DTNA: variants seen among roughly 807,000 people sequenced by gnomAD.
The protein encoded by DTNA is dystrobrevin alpha.
DTNA carries 43 observed loss-of-function variants against 100.7 expected under a neutral mutation model. That is an observed-to-expected ratio of 0.43 (90% confidence interval 0.33 to 0.55). The LOEUF is 0.55. Among genes scored for constraint, DTNA ranks in the 20% least tolerant of loss-of-function variants. The probability of loss-of-function intolerance (pLI) is 0.04; values close to 1 mark genes in which losing one functional copy is unlikely to be tolerated. For synonymous variants in DTNA, 349 were observed against 347.9 expected (o/e 1.00, Z -0.04); for missense variants, 798 against 953.9 (o/e 0.84, Z 2.15).
intron 20 of DTNA, among the ~76,000 whole-genome samples, chr18:34,880,900 G>T (rs377351162): frequency 1.3e-5 from 2 of 152,294 alleles, no homozygotes; most frequent in Admixed American, 6.5e-5. Flanking sequence ...CATCTGTTTT[G>T]TCTGGTAAAT....
At chr18:34,824,844 C>T (rs2095818162) in intron 9 of DTNA, among the ~76,000 whole-genome samples, 1 of 150,006 alleles carries the variant, frequency 6.7e-6, no homozygotes, top group Non-Finnish European at 1.5e-5. Context: ...CCATACCTGG[C>T]CACAACTTAA....
At chr18:34,730,837 G>A (rs1363400885) in intron 1 of DTNA, among the ~76,000 whole-genome samples, 3 of 152,156 alleles carry the variant, frequency 2.0e-5, no homozygotes, top group Non-Finnish European at 4.4e-5. Context: ...CCACCAAAGA[G>A]CTCACTCATG....
At chr18:34,575,795 C>T (rs534890469) in intron 1 of DTNA, among the ~76,000 whole-genome samples, 2 of 152,298 alleles carry the variant, frequency 1.3e-5, no homozygotes, top group Non-Finnish European at 2.9e-5. Context: ...ATGCCATCTT[C>T]TTCTGGATAG....
chr18:34,686,022 C>T (rs1282761755), intron 1 of DTNA, among the ~76,000 whole-genome samples: 2 of 152,196 alleles, frequency 1.3e-5, no homozygotes. Context: ...TGCTTATCAG[C>T]TTAATGAAGT....
chr18:34,584,156 C>T (rs1024473153), intron 1 of DTNA, among the ~76,000 whole-genome samples: 3 of 152,156 alleles, frequency 2.0e-5, no homozygotes, highest in Non-Finnish European at 2.9e-5. Context: ...GGGAAGAAAT[C>T]TTGCTAATCT....
At chr18:34,814,537 A>T (rs1296549416) in intron 6 of DTNA, among the ~76,000 whole-genome samples, 1 of 151,814 alleles carries the variant, frequency 6.6e-6, no homozygotes, top group East Asian at 1.9e-4. Context: ...AAAAAAAATT[A>T]AACAATTAGC....
At chr18:34,829,626 T>C in intron 11 of DTNA, 137 bp downstream of exon 11, 1 of 932,894 alleles carries the variant, frequency 1.1e-6, no homozygotes, top group Non-Finnish European at 1.5e-6. Flanking sequence ...TTAATGAAAT[T>C]GTGTTGAGAC....
intron 1 of DTNA, among the ~76,000 whole-genome samples, chr18:34,594,441 T>G (rs1353966855): frequency 6.6e-6 from 1 of 152,220 alleles, no homozygotes; most frequent in Non-Finnish European, 1.5e-5. Context: ...ACAGAGTACA[T>G]GGTGTGAATT....
chr18:34,864,569 C>T (rs1229642256), intron 17 of DTNA, among the ~76,000 whole-genome samples: 1 of 152,158 alleles, frequency 6.6e-6, no homozygotes, highest in Non-Finnish European at 1.5e-5. Context: ...ACATTCTTAT[C>T]CATTCCTGAA....
intron 1 of DTNA, among the ~76,000 whole-genome samples, chr18:34,568,568 T>A (rs370000362): frequency 1.3e-3 from 197 of 152,298 alleles, no homozygotes; most frequent in African/African-American, 4.6e-3. Flanking sequence ...AAGTCTCAAT[T>A]TATTATTACT....
At chr18:34,642,493 C>CTTTCTTTCT in intron 1 of DTNA, among the ~76,000 whole-genome samples, 1 of 151,478 alleles carries the variant, frequency 6.6e-6, no homozygotes, top group African/African-American at 2.4e-5. Flanking sequence ...GCTTTCCTTC[C>CTTTCTTTCT]TTCCTTCCTT....
At chr18:34,634,178 C>A (rs2058399838) in intron 1 of DTNA, among the ~76,000 whole-genome samples, 1 of 152,128 alleles carries the variant, frequency 6.6e-6, no homozygotes, top group Admixed American at 6.5e-5. Flanking sequence ...ATCACGTTTT[C>A]TCGAAAGCAT....
intron 1 of DTNA, among the ~76,000 whole-genome samples, chr18:34,540,559 A>T (rs2145725372): frequency 6.6e-6 from 1 of 152,114 alleles, no homozygotes; most frequent in East Asian, 1.9e-4. Flanking sequence ...TTCAACGTAC[A>T]CATTATCATA....
chr18:34,726,064 C>T (rs1001592094), intron 1 of DTNA, among the ~76,000 whole-genome samples: 1 of 152,008 alleles, frequency 6.6e-6, no homozygotes, highest in Non-Finnish European at 1.5e-5. Flanking sequence ...CACATGGACA[C>T]AGGGAGGGAA....
At chr18:34,808,156 G>T (rs1443099483) in intron 5 of DTNA, among the ~76,000 whole-genome samples, 1 of 152,126 alleles carries the variant, frequency 6.6e-6, no homozygotes, top group African/African-American at 2.4e-5. Flanking sequence ...TAGGTTTAAG[G>T]AAATCTAAGA....
At chr18:34,835,660 A>G (rs1006909604) in intron 11 of DTNA, among the ~76,000 whole-genome samples, 9 of 152,226 alleles carry the variant, frequency 5.9e-5, no homozygotes, top group African/African-American at 2.2e-4. Context: ...TACTGAGGCT[A>G]GGGCTCCTCC....
chr18:34,731,447 C>T (rs1215259614), intron 1 of DTNA, among the ~76,000 whole-genome samples: 2 of 152,020 alleles, frequency 1.3e-5, no homozygotes, highest in East Asian at 1.9e-4. Context: ...CCACTGCAGT[C>T]CGCAGTCCAG....
intron 1 of DTNA, among the ~76,000 whole-genome samples, chr18:34,517,373 G>A (rs1431474842): frequency 1.3e-5 from 2 of 151,854 alleles, no homozygotes; most frequent in Non-Finnish European, 2.9e-5. Flanking sequence ...GTAACAGCTT[G>A]CAAAACTGTA....
rs150179542 is a variant in DTNA, at chr18:34,699,159, G to GCA, written c.-1-56798_-1-56797dup. 2.1e-3 allele frequency among the ~76,000 whole-genome samples: 316 copies of GCA among 149,622 alleles called. 1 individual carries two copies. The highest frequency in any genetic ancestry group is 9.6e-3 in the East Asian group (49 of 5,122). On this transcript the variant is annotated intron_variant, in intron 1 of 19. Coordinates refer to the DTNA transcript ENST00000283365. ...ACAGAACCAATATGTACTCACATGTGCACACACACACACACACACATCTAT... is the reference window on the plus strand; with the variant it reads ...ACAGAACCAATATGTACTCACATGTGCACACACACACACACACACACATCTAT...
Sources: allele counts gnomAD v4.1 joint callset (sites outside exome capture counted in the v4.1 genomes callset), GRCh38; gene constraint gnomAD v4.1.1; transcripts MANE v1.5; gene names NCBI Gene and HGNC (gene_info 2026-07-23, HGNC 2026-07-21).